The following SLC10A7 variants were observed in gnomAD, a reference collection of about 807,000 sequenced individuals.
The protein encoded by SLC10A7 is sodium/bile acid cotransporter 7.
SLC10A7 carries 29 observed loss-of-function variants against 43.2 expected under a neutral mutation model. The ratio of observed to expected loss-of-function variants is 0.67; its 90% CI spans 0.50 to 0.92. The LOEUF (loss-of-function observed/expected upper bound fraction) is 0.92, where lower values mean the gene tolerates loss of function less well. Ranked by LOEUF, SLC10A7 falls within the 40% of genes least tolerant of loss-of-function variation. The pLI, the probability that SLC10A7 is intolerant of heterozygous loss-of-function variation, is 0.00. For missense variants in SLC10A7, 295 were observed against 403.2 expected, an observed-to-expected ratio of 0.73 and a Z score of 2.30; for synonymous variants, 152 against 144.8, an observed-to-expected ratio of 1.05 and a Z score of -0.35.
chr4:146,487,840 T>C (rs1270362019), intron 4 of SLC10A7, among the ~76,000 whole-genome samples: 5 of 150,920 alleles, frequency 3.3e-5, no homozygotes, highest in Non-Finnish European at 5.9e-5. Flanking sequence ...GAGCCCAGGA[T>C]TGTTTGAGCC....
At chr4:146,510,529 G>C (rs774900805) in intron 2 of SLC10A7, among the ~76,000 whole-genome samples, 1 of 152,036 alleles carries the variant, frequency 6.6e-6, no homozygotes, top group African/African-American at 2.4e-5. Flanking sequence ...AAAGTGCTGG[G>C]ATTACAGGCA....
intron 5 of SLC10A7, among the ~76,000 whole-genome samples, chr4:146,395,304 G>T (rs565149418): frequency 4.5e-4 from 68 of 152,278 alleles, no homozygotes; most frequent in African/African-American, 1.6e-3. Context: ...CAGGAGGATT[G>T]CTTTGGGCCC....
chr4:146,362,135 C>T (rs1034438930), intron 5 of SLC10A7, among the ~76,000 whole-genome samples: 3 of 152,008 alleles, frequency 2.0e-5, no homozygotes, highest in Non-Finnish European at 2.9e-5. Flanking sequence ...TAAGAGTTAT[C>T]GGCCTTAAGA....
chr4:146,269,653 T>C (rs928908769), intron 10 of SLC10A7, among the ~76,000 whole-genome samples: 1 of 152,232 alleles, frequency 6.6e-6, no homozygotes, highest in African/African-American at 2.4e-5. Flanking sequence ...TCTGGAACTG[T>C]TGTCCAATTT....
intron 5 of SLC10A7, among the ~76,000 whole-genome samples, chr4:146,401,721 T>A (rs1264908234): frequency 6.6e-6 from 1 of 152,148 alleles, no homozygotes; most frequent in Non-Finnish European, 1.5e-5. Context: ...ACCACTATCT[T>A]CCCATTATAA....
chr4:146,464,071 C>T (rs745581053), intron 4 of SLC10A7, among the ~76,000 whole-genome samples: 19 of 151,766 alleles, frequency 1.3e-4, no homozygotes, highest in Non-Finnish European at 2.1e-4. Flanking sequence ...GCAGTCCTTC[C>T]GCCTTGGCCT....
chr4:146,421,930 A>G (rs1170912468), intron 5 of SLC10A7, among the ~76,000 whole-genome samples: 1 of 152,132 alleles, frequency 6.6e-6, no homozygotes, highest in African/African-American at 2.4e-5. Context: ...ACATTTGAGC[A>G]CTTAATTATA....
At chr4:146,326,960 A>G (rs1193643163) in intron 5 of SLC10A7, among the ~76,000 whole-genome samples, 1 of 96,690 alleles carries the variant, frequency 1.0e-5, no homozygotes, top group Non-Finnish European at 1.9e-5. Context: ...ACACACACAC[A>G]CACACACAGA....
chr4:146,489,376 G>A (rs2150001610), intron 4 of SLC10A7, among the ~76,000 whole-genome samples: 1 of 152,312 alleles, frequency 6.6e-6, no homozygotes, highest in Non-Finnish European at 1.5e-5. Context: ...TTTGCGCTCT[G>A]TAAGCCTAGA....
At chr4:146,456,079 G>A (rs1732025947) in intron 4 of SLC10A7, among the ~76,000 whole-genome samples, 1 of 151,606 alleles carries the variant, frequency 6.6e-6, no homozygotes, top group Non-Finnish European at 1.5e-5. Context: ...TCAACACCAA[G>A]AAGGGAAAGA....
intron 10 of SLC10A7, among the ~76,000 whole-genome samples, chr4:146,275,320 C>T (rs1260737228): frequency 6.6e-6 from 1 of 152,148 alleles, no homozygotes; most frequent in Non-Finnish European, 1.5e-5. Context: ...ATCAGAATTA[C>T]TGAATAGTAG....
chr4:146,370,086 G>C (rs1736664436), intron 5 of SLC10A7, among the ~76,000 whole-genome samples: 1 of 152,118 alleles, frequency 6.6e-6, no homozygotes, highest in African/African-American at 2.4e-5. Flanking sequence ...CAGAGGGCAT[G>C]ATAGAGAATT....
chr4:146,519,077 AT>A (rs1319576459), intron 1 of SLC10A7, among the ~76,000 whole-genome samples: 2 of 21,118 alleles, frequency 9.5e-5, no homozygotes, highest in African/African-American at 5.3e-4. Context: ...ATATATATAT[AT>A]ATATATATAT....
chr4:146,395,467 T>C (rs1461820228), intron 5 of SLC10A7, among the ~76,000 whole-genome samples: 1 of 152,236 alleles, frequency 6.6e-6, no homozygotes, highest in Non-Finnish European at 1.5e-5. Flanking sequence ...CATGGCTTCC[T>C]TTTTAAAGCA....
At chr4:146,344,735 C>T (rs1734499292) in intron 5 of SLC10A7, among the ~76,000 whole-genome samples, 1 of 151,922 alleles carries the variant, frequency 6.6e-6, no homozygotes, top group Admixed American at 6.6e-5. Context: ...TTATGTTAAG[C>T]CAGGCATTAA....
At chr4:146,427,617 C>A (rs1463921753) in intron 5 of SLC10A7, among the ~76,000 whole-genome samples, 2 of 151,830 alleles carry the variant, frequency 1.3e-5, no homozygotes. Flanking sequence ...TATACTGTTT[C>A]CATGATCTCT....
intron 3 of SLC10A7, among the ~76,000 whole-genome samples, chr4:146,506,214 T>C (rs1736879690): frequency 6.6e-6 from 1 of 152,156 alleles, no homozygotes; most frequent in African/African-American, 2.4e-5. Flanking sequence ...TGAGCCAAGA[T>C]TGTGCCACTG....
At chr4:146,438,932 C>T (rs908438288) in intron 5 of SLC10A7, among the ~76,000 whole-genome samples, 2 of 151,938 alleles carry the variant, frequency 1.3e-5, no homozygotes, top group African/African-American at 4.8e-5. Context: ...GAAATATATA[C>T]ACGTATATAC....
At chr4:146,327,972 C>T (rs1733265230) in intron 5 of SLC10A7, among the ~76,000 whole-genome samples, 1 of 152,178 alleles carries the variant, frequency 6.6e-6, no homozygotes, top group Non-Finnish European at 1.5e-5. Context: ...GTCAGGCCAG[C>T]CCCACCTGCC....
Sources: allele counts gnomAD v4.1 joint callset (sites outside exome capture counted in the v4.1 genomes callset), GRCh38; gene constraint gnomAD v4.1.1; transcripts MANE v1.5; gene names NCBI Gene and HGNC (gene_info 2026-07-23, HGNC 2026-07-21).